SRFBP1: variants seen among roughly 807,000 people sequenced by gnomAD.
SRFBP1 encodes the protein serum response factor-binding protein 1.
A neutral mutation model predicts 45.5 loss-of-function variants in SRFBP1; 47 were observed. That is an observed-to-expected ratio of 1.03 (90% CI 0.82 to 1.32). The LOEUF (loss-of-function observed/expected upper bound fraction) is 1.32, where lower values mean the gene tolerates loss of function less well. Among genes scored for constraint, SRFBP1 ranks in the 40% most tolerant of loss-of-function variants. SRFBP1 has a pLI of 0.00. For synonymous variants in SRFBP1, 203 were observed against 166.3 expected, an observed-to-expected ratio of 1.22 and a Z score of -1.70; for missense variants, 621 against 484.6, an observed-to-expected ratio of 1.28 and a Z score of -2.64.
At chr5:122,005,351 A>G (rs192302424) in intron 4 of SRFBP1, among the ~76,000 whole-genome samples, 3 of 152,204 alleles carry the variant, frequency 2.0e-5, no homozygotes, top group African/African-American at 7.2e-5. Flanking sequence ...ATATATTTAC[A>G]AGTGTTATAT....
At chr5:122,018,592 G>C (rs956139756) in intron 4 of SRFBP1, among the ~76,000 whole-genome samples, 1 of 152,212 alleles carries the variant, frequency 6.6e-6, no homozygotes, top group South Asian at 2.1e-4. Context: ...TAGATGTCAG[G>C]TTAGGTGGTT....
chr5:122,002,992 A>G (rs1348552981), intron 4 of SRFBP1, among the ~76,000 whole-genome samples: 2 of 152,194 alleles, frequency 1.3e-5, no homozygotes, highest in Non-Finnish European at 2.9e-5. Flanking sequence ...GAAAAGCAAC[A>G]CCAAAGTTAT....
chr5:122,025,571 C>G (rs769465778), intron 7 of SRFBP1, among the ~76,000 whole-genome samples: 3 of 152,132 alleles, frequency 2.0e-5, no homozygotes, highest in Non-Finnish European at 2.9e-5. Context: ...AGTTTACAGT[C>G]CCACCAACAG....
chr5:122,048,108 A>AT (rs1237578585), intron 2 of SRFBP1, among the ~76,000 whole-genome samples: 1 of 152,184 alleles, frequency 6.6e-6, no homozygotes, highest in African/African-American at 2.4e-5. Flanking sequence ...GAGAGAGGGC[A>AT]TCCCTGTCTT....
At chr5:122,077,444 T>A, downstream of SRFBP1, 1 of 1,613,988 alleles carries the variant, frequency 6.2e-7, no homozygotes, top group Non-Finnish European at 8.5e-7. The surrounding 1 kb of genome is among the most constrained non-coding windows in gnomAD (Gnocchi z 4.9). Flanking sequence ...GTAATAAGGG[T>A]TGTCGTCAGA....
Position 121,990,221 on chromosome 5 carries a change from T to C in SRFBP1, c.199-4378T>C, listed in dbSNP as rs530624933. Among the ~76,000 whole-genome samples the C allele has an allele frequency of 5.3e-5, 8 of 152,272 alleles. No individual in the cohort carries two copies. In the East Asian group the frequency reaches 1.4e-3, roughly 26 times the overall value. On this transcript the variant is annotated intron_variant, in intron 3 of 7. Transcript: ENST00000339397. ...TAAAGAAAATGTGGTCCATATATAC[T>C]ATGGAATACTGTGCAGCCATAAAAA...
chr5:122,044,734 T>C (rs1333585065), intron 2 of SRFBP1, among the ~76,000 whole-genome samples: 1 of 152,118 alleles, frequency 6.6e-6, no homozygotes, highest in Non-Finnish European at 1.5e-5. Flanking sequence ...TTTGTTTAAA[T>C]TCCTTATAGA....
chr5:122,050,203 T>G (rs1237118494), intron 2 of SRFBP1, among the ~76,000 whole-genome samples: 3 of 152,148 alleles, frequency 2.0e-5, no homozygotes, highest in African/African-American at 7.2e-5. Context: ...GCCTGAAGTT[T>G]TCTTTCTTTG....
chr5:122,053,695 G>A (rs1483295227), intron 2 of SRFBP1, among the ~76,000 whole-genome samples: 1 of 151,928 alleles, frequency 6.6e-6, no homozygotes, highest in African/African-American at 2.4e-5. Flanking sequence ...GATGGGTGGA[G>A]TGTCATGCAC....
chr5:122,028,754 G>A (rs925020999), downstream of SRFBP1: 9 of 152,130 alleles, frequency 5.9e-5, no homozygotes, highest in African/African-American at 1.4e-4. Context: ...TGACAAAAAA[G>A]TAAAAGGAAA....
rs1172826175 is a variant in SRFBP1, at chr5:122,020,489, G to T, written c.754G>T (p.Glu252Ter). 2 of 1,614,118 alleles carry T rather than the reference G, an allele frequency of 1.2e-6. No homozygotes were observed. The highest frequency in any genetic ancestry group is 1.1e-5 in the South Asian group (1 of 91,082). ...CTCTGGTAACAGTGATGGCGGAGAA[G>T]AATTTTGTGAAGAGGAGAAGGAATA... Reference protein sequence around the residue: ...SLSGNSDGGEEFCEEEKEYFD... With the variant: ...SLSGNSDGGE The change falls in exon 6 of 8, where the codon GAA (glutamate) becomes TAA (stop). Residue 252 changes from glutamate (E) to a stop codon, truncating the protein, a stop_gained. Coordinates refer to ENST00000339397, the MANE Select transcript of SRFBP1 (RefSeq NM_152546.3). LOFTEE classifies it high-confidence loss of function.
intron 1 of SRFBP1, among the ~76,000 whole-genome samples, chr5:121,969,125 A>G (rs1481675901): frequency 6.6e-6 from 1 of 152,164 alleles, no homozygotes; most frequent in Non-Finnish European, 1.5e-5. Flanking sequence ...TCACCCCAGA[A>G]ATAGAGCTCA....
downstream of SRFBP1, among the ~76,000 whole-genome samples, chr5:122,029,549 G>A (rs371609659): frequency 1.4e-4 from 22 of 152,094 alleles, no homozygotes; most frequent in South Asian, 1.0e-3. Context: ...CTAGTATTTT[G>A]CCTCACAAAT....
chr5:122,059,674 T>C (rs925031980), intron 2 of SRFBP1, among the ~76,000 whole-genome samples: 2 of 152,096 alleles, frequency 1.3e-5, no homozygotes, highest in African/African-American at 4.8e-5. Flanking sequence ...TTGAAGAACA[T>C]GGGTATTTTG....
intron 3 of SRFBP1, among the ~76,000 whole-genome samples, chr5:121,982,805 A>C (rs1752437392): frequency 6.6e-6 from 1 of 151,768 alleles, no homozygotes; most frequent in African/African-American, 2.4e-5. Context: ...TGAAGGGAGA[A>C]AGCAGTATAA....
intron 7 of SRFBP1, among the ~76,000 whole-genome samples, chr5:122,023,272 T>C (rs1753399060): frequency 6.6e-6 from 1 of 152,170 alleles, no homozygotes; most frequent in African/African-American, 2.4e-5. Flanking sequence ...CATTTCACTT[T>C]TCCTCCTACA....
intron 2 of SRFBP1, among the ~76,000 whole-genome samples, chr5:122,055,713 G>A (rs1309747917): frequency 6.6e-6 from 1 of 152,054 alleles, no homozygotes; most frequent in African/African-American, 2.4e-5. Flanking sequence ...CATGAAAATG[G>A]ATGTCTTAGA....
intron 2 of SRFBP1, among the ~76,000 whole-genome samples, chr5:122,068,482 T>G (rs540127301): frequency 6.6e-6 from 1 of 152,268 alleles, no homozygotes; most frequent in East Asian, 1.9e-4. Context: ...GTATCTCTAT[T>G]ACAGTTATAT....
chr5:122,043,638 A>C (rs187023783), intron 2 of SRFBP1, among the ~76,000 whole-genome samples: 1 of 152,292 alleles, frequency 6.6e-6, no homozygotes, highest in East Asian at 1.9e-4. Context: ...TGCATTTCTT[A>C]ACAGAGGCTC....
Sources: gnomAD v4.1 joint callset for allele counts (sites outside exome capture counted in the v4.1 genomes callset) on GRCh38, gnomAD v4.1.1 for gene constraint, Gnocchi (gnomAD v3.1) non-coding constraint, MANE v1.5 for transcripts, NCBI Gene and HGNC (gene_info 2026-07-23, HGNC 2026-07-21) for gene names.